Variants in SLC30A8 observed in about 807,000 individuals in gnomAD.
SLC30A8 encodes solute carrier family 30 member 8.
A neutral mutation model predicts 36.9 loss-of-function variants in SLC30A8; 27 were observed. The ratio of observed to expected loss-of-function variants is 0.73; its 90% CI spans 0.54 to 1.01. SLC30A8 has a LOEUF of 1.01. Among genes scored for constraint, SLC30A8 ranks in the 50% least tolerant of loss-of-function variants. The pLI, the probability that SLC30A8 is intolerant of heterozygous loss-of-function variation, is 0.00. For synonymous variants in SLC30A8, 164 were observed against 172.4 expected, an observed-to-expected ratio of 0.95 and a Z score of 0.38; for missense variants, 439 against 452.0, an observed-to-expected ratio of 0.97 and a Z score of 0.26.
rs1491570105 is a variant in SLC30A8, at chr8:117,097,552, AAT to A, written c.-225-37721_-225-37720del. On this transcript the variant is annotated intron_variant, in intron 2 of 10. Coordinates refer to the SLC30A8 transcript ENST00000427715. ...TTATATATAATATATAATTTTAAAT[AAT>A]ATATATTATATATAATATATAATTT... Among the ~76,000 whole-genome samples, 291 of 102,806 alleles carry A rather than the reference AAT, an allele frequency of 2.8e-3. 1 individual carries two copies. Among genetic ancestry groups the A allele is most frequent in the Middle Eastern group, 5.3e-3 (1 of 188 alleles). The allele number at this position is 102,806 out of a possible 152,430, so 67.4% of individuals were successfully genotyped here.
chr8:117,114,837 T>C (rs560288369), intron 2 of SLC30A8, among the ~76,000 whole-genome samples: 1 of 152,202 alleles, frequency 6.6e-6, no homozygotes, highest in Non-Finnish European at 1.5e-5. Context: ...AATGTAGAGA[T>C]CTGAATTATA....
At chr8:117,085,466 A>T (rs566388171) in intron 2 of SLC30A8, among the ~76,000 whole-genome samples, 2 of 152,324 alleles carry the variant, frequency 1.3e-5, no homozygotes, top group South Asian at 4.1e-4. Context: ...GTTTCCAAAC[A>T]TGAGAATATA....
chr8:116,984,917 A>T (rs1193281890), intron 1 of SLC30A8, among the ~76,000 whole-genome samples: 1 of 151,904 alleles, frequency 6.6e-6, no homozygotes, highest in Non-Finnish European at 1.5e-5. Context: ...CAAGACTATG[A>T]ACCCTTTTCT....
chr8:117,061,497 C>T (rs1012307652), intron 2 of SLC30A8, among the ~76,000 whole-genome samples: 3 of 152,198 alleles, frequency 2.0e-5, no homozygotes, highest in Non-Finnish European at 4.4e-5. Context: ...AAGATCATCT[C>T]AGAAGAAGCA....
chr8:117,097,630 A>G (rs868806129), intron 2 of SLC30A8, among the ~76,000 whole-genome samples: 4,377 of 74,542 alleles, frequency 0.059, 626 homozygotes, highest in Non-Finnish European at 0.069. Context: ...TATATATTAT[A>G]TATAATATAT....
Position 117,052,909 on chromosome 8 carries a change from C to CT in SLC30A8, c.-226+13663dup, listed in dbSNP as rs35990196. Among the ~76,000 whole-genome samples the CT allele has an allele frequency of 4.8e-3, 692 of 143,470 alleles. 4 individuals are homozygous for CT. Among genetic ancestry groups the CT allele is most frequent in the Middle Eastern group, 0.014 (4 of 276 alleles). 94.1% of individuals were successfully genotyped at this position (143,470 alleles called of 152,430 possible). A position where few individuals can be genotyped will look rare whatever the true frequency, so the allele number is the denominator to read the frequency against. ...AAGTATGTGAAGTCTCCTTTTTTTTCTTTTTTTTTTTTATTGAGACGAAAT... is the reference window on the plus strand; with the variant it reads ...AAGTATGTGAAGTCTCCTTTTTTTTCTTTTTTTTTTTTTATTGAGACGAAAT... On this transcript the variant is annotated intron_variant, in intron 2 of 10. Transcript: ENST00000427715.
chr8:117,124,374 T>C (rs1820811435), intron 2 of SLC30A8, among the ~76,000 whole-genome samples: 2 of 151,888 alleles, frequency 1.3e-5, no homozygotes, highest in Non-Finnish European at 2.9e-5. Context: ...CTTCCCCTCA[T>C]GTTACAAGCC....
rs554343740 is a variant in SLC30A8 at position 117,026,748 on chromosome 8, C to G, written c.-265-12471C>G. Among the ~76,000 whole-genome samples, 20 of 152,294 alleles carry G rather than the reference C, an allele frequency of 1.3e-4. No homozygotes were observed. The South Asian group carries it at 3.5e-3, about 27-fold the overall frequency. The stretch of plus-strand genomic sequence containing the variant: ...TTAAAACACGTACATGTATTGTGCA[C>G]TCTTGCTATCTGCCAGGCCCTATGC... On this transcript the variant is annotated intron_variant, in intron 1 of 10. Coordinates refer to the SLC30A8 transcript ENST00000427715.
chr8:117,146,113 G>T (rs1356458760), intron 1 of SLC30A8, among the ~76,000 whole-genome samples: 2 of 152,084 alleles, frequency 1.3e-5, no homozygotes, highest in Non-Finnish European at 2.9e-5. Context: ...AGCCAGAAAA[G>T]AATAATTGAA....
chr8:116,978,709 A>G (rs1479133641), intron 1 of SLC30A8, among the ~76,000 whole-genome samples: 3 of 152,200 alleles, frequency 2.0e-5, no homozygotes, highest in African/African-American at 7.2e-5. Flanking sequence ...ACATAATCTG[A>G]TGCTGCCCCT....
chr8:117,147,483 T>C, intron 2 of SLC30A8: 1 of 223,266 alleles, frequency 4.5e-6, no homozygotes, highest in South Asian at 7.8e-5. Flanking sequence ...CAAAAACATT[T>C]TTATGCCTGA....
intron 3 of SLC30A8, among the ~76,000 whole-genome samples, chr8:117,156,728 T>G (rs1195533949): frequency 6.6e-6 from 1 of 152,010 alleles, no homozygotes; most frequent in Non-Finnish European, 1.5e-5. Context: ...AAAAGTGAAT[T>G]TATTTGAAAA....
At chr8:117,143,307 G>A (rs747816042) in intron 1 of SLC30A8, among the ~76,000 whole-genome samples, 39 of 151,740 alleles carry the variant, frequency 2.6e-4, no homozygotes, top group African/African-American at 7.3e-4. Flanking sequence ...CTTTTTCTCC[G>A]TCTTTTTTCT....
At chr8:117,119,528 G>A (rs988034348) in intron 2 of SLC30A8, among the ~76,000 whole-genome samples, 4 of 151,860 alleles carry the variant, frequency 2.6e-5, no homozygotes, top group African/African-American at 9.7e-5. Context: ...ATTATTCTAC[G>A]TGATCACCCC....
intron 1 of SLC30A8, among the ~76,000 whole-genome samples, chr8:116,975,357 T>G (rs1344339442): frequency 1.3e-5 from 2 of 152,184 alleles, no homozygotes; most frequent in Non-Finnish European, 2.9e-5. Context: ...ATATTCTATA[T>G]CTTTGTTATA....
intron 1 of SLC30A8, among the ~76,000 whole-genome samples, chr8:116,964,672 A>G (rs1294792055): frequency 2.6e-5 from 4 of 152,144 alleles, no homozygotes; most frequent in African/African-American, 9.7e-5. Flanking sequence ...CACAGCAGGC[A>G]CAGAAGCCAC....
Position 117,135,965 on chromosome 8 carries a change from A to G in SLC30A8, c.71+567A>G, listed in dbSNP as rs147704387. On this transcript the variant is annotated intron_variant, in intron 1 of 7. Transcript: ENST00000456015. The stretch of plus-strand genomic sequence containing the variant: ...TTTTTCACTTGGTTAACAATTATTG[A>G]TTGAACACACCTGTAGTAAGTGCAG... 3.1e-3 allele frequency among the ~76,000 whole-genome samples: 473 copies of G among 152,066 alleles called. 1 individual carries two copies. The highest frequency in any genetic ancestry group is 0.011 in the African/African-American group (454 of 41,534).
At chr8:117,098,898 T>C (rs1373068589) in intron 2 of SLC30A8, among the ~76,000 whole-genome samples, 2 of 152,182 alleles carry the variant, frequency 1.3e-5, no homozygotes, top group African/African-American at 4.8e-5. Context: ...TGAGGGACTG[T>C]CATAGTTTTC....
At chr8:116,963,791 G>T (rs1266887260) in intron 1 of SLC30A8, among the ~76,000 whole-genome samples, 1 of 152,172 alleles carries the variant, frequency 6.6e-6, no homozygotes, top group Non-Finnish European at 1.5e-5. Flanking sequence ...GGAATTACTA[G>T]GTCACACAGT....
Sources: gnomAD v4.1 joint callset for allele counts (sites outside exome capture counted in the v4.1 genomes callset) on GRCh38, gnomAD v4.1.1 for gene constraint, MANE v1.5 for transcripts, NCBI Gene and HGNC (gene_info 2026-07-23, HGNC 2026-07-21) for gene names.